The following PTPRD variants were observed in gnomAD, a reference collection of about 807,000 sequenced individuals.
PTPRD encodes the protein receptor-type tyrosine-protein phosphatase delta.
Under a neutral mutation model 214.5 loss-of-function variants are expected in PTPRD, and 34 were observed. The ratio of observed to expected loss-of-function variants is 0.16; its 90% CI spans 0.12 to 0.21. PTPRD has a LOEUF of 0.21. PTPRD is among the 10% of genes least tolerant of loss of function. The pLI, the probability that PTPRD is intolerant of heterozygous loss-of-function variation, is 1.00. For synonymous variants in PTPRD, 1,128 were observed against 845.7 expected, an observed-to-expected ratio of 1.33 and a Z score of -5.79; for missense variants, 2,545 against 2,398.7, an observed-to-expected ratio of 1.06 and a Z score of -1.27.
chr9:10,290,828 A>T (rs1037032874), intron 3 of PTPRD, among the ~76,000 whole-genome samples: 3 of 152,238 alleles, frequency 2.0e-5, no homozygotes, highest in Non-Finnish European at 4.4e-5. Context: ...AATTAGCATC[A>T]TAATTAAATA....
chr9:10,051,084 G>GA (rs561993892), intron 3 of PTPRD, among the ~76,000 whole-genome samples: 3 of 151,550 alleles, frequency 2.0e-5, no homozygotes, highest in South Asian at 2.1e-4. Context: ...ACATAAAAAA[G>GA]AAAAAAATGC....
At chr9:8,457,964 C>G (rs1401084286) in intron 33 of PTPRD, among the ~76,000 whole-genome samples, 2 of 152,200 alleles carry the variant, frequency 1.3e-5, no homozygotes, top group East Asian at 1.9e-4. Flanking sequence ...TTTGAACTGC[C>G]TCATGATAAT....
intron 8 of PTPRD, among the ~76,000 whole-genome samples, chr9:9,407,871 C>T (rs1245044880): frequency 6.6e-6 from 1 of 151,734 alleles, no homozygotes; most frequent in Non-Finnish European, 1.5e-5. Flanking sequence ...TTTCCTCTCA[C>T]GTAATTATCT....
intron 2 of PTPRD, among the ~76,000 whole-genome samples, chr9:10,523,344 C>T (rs924313761): frequency 1.3e-5 from 2 of 151,526 alleles, no homozygotes; most frequent in Non-Finnish European, 1.5e-5. Flanking sequence ...GTGTGTATTT[C>T]CTGCATGCCT....
chr9:10,463,435 G>C (rs1220534766), intron 2 of PTPRD, among the ~76,000 whole-genome samples: 2 of 152,006 alleles, frequency 1.3e-5, no homozygotes, highest in Admixed American at 6.6e-5. Flanking sequence ...CACAGAAGTA[G>C]AACTGAATTA....
intron 11 of PTPRD, among the ~76,000 whole-genome samples, chr9:8,746,503 T>C (rs2092826045): frequency 2.0e-5 from 3 of 152,236 alleles, no homozygotes; most frequent in African/African-American, 4.8e-5. Context: ...GTCATTTTTA[T>C]TGTACTTCTA....
chr9:10,212,077 C>A (rs1483086137), intron 3 of PTPRD, among the ~76,000 whole-genome samples: 8 of 152,034 alleles, frequency 5.3e-5, no homozygotes, highest in Non-Finnish European at 4.4e-5. Flanking sequence ...GTGGAATGAC[C>A]TTTCCAATTC....
In PTPRD at chr9:9,654,425, T is replaced by C. The variant is rs1594348916; in HGVS notation, c.-286-79644A>G. Reference sequence around the variant, plus strand: ...CAAATATATCATACATATATACATATATATGTGTGTGTGTGCACATGTATA... The same window carrying C: ...CAAATATATCATACATATATACATACATATGTGTGTGTGTGCACATGTATA... On this transcript the variant is annotated intron_variant, in intron 7 of 45. Coordinates refer to ENST00000381196, the MANE Select transcript of PTPRD (RefSeq NM_002839.4). 2.0e-5 allele frequency among the ~76,000 whole-genome samples: 3 copies of C among 152,208 alleles called. No homozygotes were observed. In the South Asian group the frequency reaches 6.2e-4, roughly 32 times the overall value.
chr9:9,993,252 T>C (rs1402650008), intron 4 of PTPRD, among the ~76,000 whole-genome samples: 1 of 152,208 alleles, frequency 6.6e-6, no homozygotes, highest in Non-Finnish European at 1.5e-5. Flanking sequence ...TATGGACATA[T>C]GCATAAACAA....
chr9:8,448,544 T>C (rs532423817), intron 34 of PTPRD, among the ~76,000 whole-genome samples: 2 of 152,284 alleles, frequency 1.3e-5, no homozygotes, highest in Admixed American at 1.3e-4. Flanking sequence ...CACAAGTTTG[T>C]TCAATCATCA....
chr9:10,286,346 G>T (rs990718122), intron 3 of PTPRD, among the ~76,000 whole-genome samples: 2 of 152,244 alleles, frequency 1.3e-5, no homozygotes, highest in East Asian at 3.9e-4. Flanking sequence ...GGAAGTTGAG[G>T]CAGGAGGATT....
chr9:10,480,518 G>A (rs1333053908), intron 2 of PTPRD, among the ~76,000 whole-genome samples: 2 of 151,984 alleles, frequency 1.3e-5, no homozygotes, highest in East Asian at 3.9e-4. Context: ...TAGAAAAAAA[G>A]CAAGACATTT....
intron 2 of PTPRD, among the ~76,000 whole-genome samples, chr9:10,512,028 A>ATATATATACGTGTG (rs1285737509): frequency 1.3e-5 from 1 of 74,422 alleles, no homozygotes; most frequent in African/African-American, 6.9e-5. Flanking sequence ...GTATATATAT[A>ATATATATACGTGTG]TGTATATATA....
chr9:9,910,371 C>T (rs2078848209), intron 5 of PTPRD, among the ~76,000 whole-genome samples: 1 of 151,922 alleles, frequency 6.6e-6, no homozygotes, highest in Non-Finnish European at 1.5e-5. Context: ...ATCTGTATAG[C>T]AATTTTCAGT....
chr9:9,863,101 C>G (rs972393094), intron 5 of PTPRD, among the ~76,000 whole-genome samples: 35 of 152,088 alleles, frequency 2.3e-4, no homozygotes, highest in African/African-American at 8.0e-4. Context: ...GTATTTGAGT[C>G]TAGAAAATGC....
At chr9:10,229,609 A>C (rs2099601349) in intron 3 of PTPRD, among the ~76,000 whole-genome samples, 1 of 150,200 alleles carries the variant, frequency 6.7e-6, no homozygotes, top group African/African-American at 2.4e-5. Context: ...AGGACAAAAA[A>C]CCAAACACCG....
At chr9:8,516,556 C>T (rs1267790698) in intron 21 of PTPRD, among the ~76,000 whole-genome samples, 2 of 151,938 alleles carry the variant, frequency 1.3e-5, no homozygotes, top group African/African-American at 4.8e-5. Context: ...TCACAGGTAT[C>T]AGTGAAATAG....
chr9:9,760,767 C>A (rs2098647858), intron 6 of PTPRD, among the ~76,000 whole-genome samples: 1 of 152,008 alleles, frequency 6.6e-6, no homozygotes, highest in Non-Finnish European at 1.5e-5. Context: ...AGAAGATAGA[C>A]AGATGGTGAG....
intron 14 of PTPRD, among the ~76,000 whole-genome samples, chr9:8,557,779 TACACACAC>T (rs373363751): frequency 7.7e-5 from 8 of 103,900 alleles, no homozygotes; most frequent in East Asian, 2.8e-4. Flanking sequence ...AAAAACAAAA[TACACACAC>T]ACACACACAC....
Sources: allele counts gnomAD v4.1 joint callset (sites outside exome capture counted in the v4.1 genomes callset), GRCh38; gene constraint gnomAD v4.1.1; transcripts MANE v1.5; gene names NCBI Gene and HGNC (gene_info 2026-07-23, HGNC 2026-07-21).